The following CDH13 variants were observed in gnomAD, a reference collection of about 807,000 sequenced individuals.
CDH13 encodes the protein cadherin-13.
CDH13 carries 24 observed loss-of-function variants against 63.8 expected under a neutral mutation model. The ratio of observed to expected loss-of-function variants is 0.38; its 90% CI spans 0.27 to 0.53. The LOEUF (loss-of-function observed/expected upper bound fraction) is 0.53, where lower values mean the gene tolerates loss of function less well. Ranked by LOEUF, CDH13 falls within the 20% of genes least tolerant of loss-of-function variation. CDH13 has a pLI of 0.85. For synonymous variants in CDH13, 503 were observed against 355.3 expected (o/e 1.42, Z -4.67); for missense variants, 1,049 against 903.1 (o/e 1.16, Z -2.07).
intron 4 of CDH13, among the ~76,000 whole-genome samples, chr16:83,144,785 A>T (rs186761419): frequency 1.4e-4 from 21 of 152,312 alleles, no homozygotes. Flanking sequence ...TGAGCAGAAG[A>T]CTTCATCCAC....
intron 2 of CDH13, among the ~76,000 whole-genome samples, chr16:82,992,196 T>C (rs564089257): frequency 2.0e-5 from 3 of 152,298 alleles, no homozygotes; most frequent in African/African-American, 7.2e-5. Flanking sequence ...CCAGCCTCTG[T>C]TGTGAGCTAG....
intron 7 of CDH13, among the ~76,000 whole-genome samples, chr16:83,553,640 T>G (rs1021379955): frequency 2.0e-5 from 3 of 152,210 alleles, no homozygotes; most frequent in African/African-American, 7.2e-5. Context: ...CACTGCAACC[T>G]CTGCCTCTTG....
intron 1 of CDH13, among the ~76,000 whole-genome samples, chr16:82,761,076 T>G (rs1258567233): frequency 7.7e-6 from 1 of 129,386 alleles, no homozygotes; most frequent in Non-Finnish European, 1.6e-5. Flanking sequence ...CAGACTGGAG[T>G]GCAGTGGCAT....
At position 83,788,465 on chromosome 16, in the gene CDH13, A is replaced by ATTT. The variant is rs11320143; in HGVS notation, c.2134+5002_2134+5004dup. Among the ~76,000 whole-genome samples, 1,487 of 150,040 alleles carry ATTT rather than the reference A, an allele frequency of 9.9e-3. 26 individuals are homozygous for ATTT. The highest frequency in any genetic ancestry group is 0.034 in the African/African-American group (1,373 of 40,604). ...TATATTAAGTATTAGTAAACATTGA[A>ATTT]TTTTTTTTTTTAGATTAAAAAAAAA... is the stretch of plus-strand genomic sequence containing the variant. On this transcript the variant is annotated intron_variant, in intron 13 of 13. Transcript: ENST00000567109.
chr16:82,762,648 A>G (rs1234253788), intron 1 of CDH13, among the ~76,000 whole-genome samples: 1 of 152,148 alleles, frequency 6.6e-6, no homozygotes, highest in Non-Finnish European at 1.5e-5. Context: ...ATGACTGTTT[A>G]TTAAAATCCC....
intron 2 of CDH13, among the ~76,000 whole-genome samples, chr16:82,913,485 A>T (rs2041896588): frequency 6.6e-6 from 1 of 152,192 alleles, no homozygotes; most frequent in Admixed American, 6.5e-5. Flanking sequence ...GTGGAAATCC[A>T]GGCCACAACT....
intron 2 of CDH13, among the ~76,000 whole-genome samples, chr16:82,933,873 C>G (rs1034582995): frequency 4.6e-5 from 7 of 152,234 alleles, no homozygotes; most frequent in African/African-American, 1.7e-4. Context: ...CACATTGATG[C>G]AGGAAGTGTG....
chr16:83,217,249 C>T (rs958473836), intron 4 of CDH13, 96 bp from the exon 5 acceptor site: 16 of 1,243,174 alleles, frequency 1.3e-5, no homozygotes, highest in Middle Eastern at 2.6e-4. Context: ...TGTGCTGGCA[C>T]CTGTGATTAG....
chr16:83,628,198 C>T (rs1567466005), intron 8 of CDH13, among the ~76,000 whole-genome samples: 1 of 152,332 alleles, frequency 6.6e-6, no homozygotes, highest in East Asian at 1.9e-4. Flanking sequence ...TAAGTCTCAG[C>T]CTTATTTCAG....
chr16:83,326,554 G>A (rs1354604621), intron 5 of CDH13, among the ~76,000 whole-genome samples: 1 of 151,976 alleles, frequency 6.6e-6, no homozygotes, highest in Admixed American at 6.6e-5. Context: ...ATTCAGAAGA[G>A]AAGGGAGATG....
intron 7 of CDH13, among the ~76,000 whole-genome samples, chr16:83,496,652 T>C (rs1391284896): frequency 6.6e-6 from 1 of 151,988 alleles, no homozygotes; most frequent in East Asian, 1.9e-4. Context: ...AAAGACAAAA[T>C]TGACAAATGG....
rs558235257 is a variant in CDH13, at chr16:83,783,882, T to G, written c.2134+410T>G. On this transcript the variant is annotated intron_variant, in intron 13 of 13. Coordinates refer to ENST00000567109, the MANE Select transcript of CDH13 (RefSeq NM_001257.5). ...CAGATATTATGAGACTTTCTGAGAA[T>G]AGTCGTGAGAATTTATGGATGGAGG... 2.6e-5 allele frequency among the ~76,000 whole-genome samples: 4 copies of G among 152,342 alleles called. No homozygotes were observed. The South Asian group carries it at 8.3e-4, about 32-fold the overall frequency.
intron 2 of CDH13, among the ~76,000 whole-genome samples, chr16:82,979,580 C>T (rs1321720016): frequency 1.3e-5 from 2 of 152,044 alleles, no homozygotes; most frequent in Non-Finnish European, 2.9e-5. Context: ...TGGATGCTGC[C>T]ATGTGAAAAA....
At chr16:83,325,466 A>G (rs890119003) in intron 5 of CDH13, among the ~76,000 whole-genome samples, 1 of 152,298 alleles carries the variant, frequency 6.6e-6, no homozygotes, top group South Asian at 2.1e-4. Context: ...AAAAGGCCAG[A>G]TAACAGGTAC....
chr16:83,368,380 T>C (rs1317305595), intron 6 of CDH13, among the ~76,000 whole-genome samples: 1 of 152,244 alleles, frequency 6.6e-6, no homozygotes, highest in Admixed American at 6.5e-5. Flanking sequence ...GGAAAGAATT[T>C]GGTTGCTTGC....
At chr16:82,982,903 CA>C (rs1414678487) in intron 2 of CDH13, among the ~76,000 whole-genome samples, 1 of 152,122 alleles carries the variant, frequency 6.6e-6, no homozygotes, top group Non-Finnish European at 1.5e-5. Flanking sequence ...TGGATACCCC[CA>C]TGAACCGGAG....
In CDH13 at chr16:82,848,380, A is replaced by C. The variant is rs529389725; in HGVS notation, c.46-9982A>C. Among the ~76,000 whole-genome samples the C allele has an allele frequency of 2.0e-5, 3 of 152,334 alleles. No homozygotes were observed. In the East Asian group the frequency reaches 5.8e-4, roughly 29 times the overall value. On this transcript the variant is annotated intron_variant, in intron 1 of 13. Coordinates refer to ENST00000567109, the MANE Select transcript of CDH13 (RefSeq NM_001257.5). ...GTATGACAAGAATAACCCAATTTGT[A>C]GGATCAGCTTTCACCTTGACAACTC...
intron 2 of CDH13, among the ~76,000 whole-genome samples, chr16:82,953,066 T>A (rs1905524116): frequency 6.6e-6 from 1 of 152,232 alleles, no homozygotes; most frequent in South Asian, 2.1e-4. Context: ...TTTGCTGTAC[T>A]GTTCCAAACT....
At chr16:83,082,499 G>C (rs927503823) in intron 3 of CDH13, among the ~76,000 whole-genome samples, 3 of 151,962 alleles carry the variant, frequency 2.0e-5, no homozygotes, top group African/African-American at 7.3e-5. Context: ...CAGGTGTGGT[G>C]GTGGGTACCT....
Sources: allele counts gnomAD v4.1 joint callset (sites outside exome capture counted in the v4.1 genomes callset), GRCh38; gene constraint gnomAD v4.1.1; transcripts MANE v1.5; gene names NCBI Gene and HGNC (gene_info 2026-07-23, HGNC 2026-07-21).